Variants in CALCRL observed in about 807,000 individuals in gnomAD.
CALCRL encodes calcitonin gene-related peptide type 1 receptor.
A neutral mutation model predicts 60.4 loss-of-function variants in CALCRL; 27 were observed. The ratio of observed to expected loss-of-function variants is 0.45; its 90% CI spans 0.33 to 0.62. The LOEUF is 0.62. CALCRL is among the 20% of genes least tolerant of loss of function. The probability of loss-of-function intolerance (pLI) is 0.03; values close to 1 mark genes in which losing one functional copy is unlikely to be tolerated. For missense variants in CALCRL, 424 were observed against 540.7 expected (o/e 0.78, Z 2.14); for synonymous variants, 190 against 182.6 (o/e 1.04, Z -0.33).
chr2:187,428,018 G>T (rs1012310335), intron 1 of CALCRL, among the ~76,000 whole-genome samples: 1 of 152,160 alleles, frequency 6.6e-6, no homozygotes, highest in South Asian at 2.1e-4. Flanking sequence ...CAACACCAGG[G>T]CTGTTTCAGG....
intron 9 of CALCRL, among the ~76,000 whole-genome samples, chr2:187,362,572 A>G (rs900624701): frequency 2.9e-5 from 2 of 70,074 alleles, no homozygotes; most frequent in African/African-American, 8.7e-5. Context: ...AACACTTTAT[A>G]TAGACACACA....
intron 14 of CALCRL, among the ~76,000 whole-genome samples, chr2:187,347,995 TA>T (rs1016544213): frequency 1.3e-4 from 20 of 151,694 alleles, no homozygotes; most frequent in African/African-American, 4.1e-4. Flanking sequence ...AAGCTCAATT[TA>T]AAAAATATAT....
At chr2:187,380,125 C>T (rs983591754) in intron 7 of CALCRL, among the ~76,000 whole-genome samples, 1 of 152,134 alleles carries the variant, frequency 6.6e-6, no homozygotes, top group South Asian at 2.1e-4. Context: ...TACTTGAGCA[C>T]AGTTTCAGAG....
intron 1 of CALCRL, among the ~76,000 whole-genome samples, chr2:187,412,982 A>G (rs752592481): frequency 8.5e-5 from 13 of 152,216 alleles, no homozygotes; most frequent in Non-Finnish European, 1.5e-4. Flanking sequence ...GATCATAAAT[A>G]TGCTTTGTTC....
intron 1 of CALCRL, among the ~76,000 whole-genome samples, chr2:187,404,977 C>G (rs555516433): frequency 6.6e-6 from 1 of 151,938 alleles, no homozygotes; most frequent in Non-Finnish European, 1.5e-5. Flanking sequence ...AGTTTGGATA[C>G]TAGGGTTTGG....
intron 1 of CALCRL, among the ~76,000 whole-genome samples, chr2:187,397,284 A>G (rs1189928334): frequency 6.6e-6 from 1 of 151,582 alleles, no homozygotes; most frequent in Non-Finnish European, 1.5e-5. Context: ...TCTTCTGCAG[A>G]AATAATGTGG....
rs1432782875 is a variant in CALCRL, at chr2:187,343,308, A to G, written c.*2876T>C. ...CAGTGAAAATAAACTTTAACTCATA[A>G]CTTTAATATTTTCATACAATCAAAA... On this transcript the variant is annotated 3_prime_UTR_variant, in exon 15 of 15. Coordinates refer to ENST00000392370, the MANE Select transcript of CALCRL (RefSeq NM_005795.6). 1 of 151,872 alleles carries G rather than the reference A, an allele frequency of 6.6e-6. No individual in the cohort carries two copies. Among genetic ancestry groups the G allele is most frequent in the African/African-American group, 2.4e-5 (1 of 41,414 alleles). 9.4% of individuals were successfully genotyped at this position (151,872 alleles called of 1,614,324 possible). A position where few individuals can be genotyped will look rare whatever the true frequency, so the allele number is the denominator to read the frequency against.
intron 1 of CALCRL, among the ~76,000 whole-genome samples, chr2:187,445,909 A>T (rs1162768693): frequency 6.6e-6 from 1 of 151,486 alleles, no homozygotes; most frequent in Non-Finnish European, 1.5e-5. Context: ...ACCCAGTATT[A>T]TTTTAAACAA....
At chr2:187,381,648 G>T (rs545934456) in intron 5 of CALCRL, among the ~76,000 whole-genome samples, 82 of 151,994 alleles carry the variant, frequency 5.4e-4, no homozygotes, top group South Asian at 1.7e-3. Flanking sequence ...TAGGGAAGAG[G>T]TTTCACCATG....
intron 1 of CALCRL, among the ~76,000 whole-genome samples, chr2:187,401,161 G>T (rs571930937): frequency 5.4e-4 from 82 of 151,642 alleles, no homozygotes; most frequent in African/African-American, 1.8e-3. Flanking sequence ...AAGTGTACGG[G>T]TATAGCTTAG....
chr2:187,366,942 A>ACACACG (rs1687325636), intron 8 of CALCRL, among the ~76,000 whole-genome samples: 2 of 151,680 alleles, frequency 1.3e-5, no homozygotes, highest in South Asian at 4.2e-4. Context: ...ACACACACAC[A>ACACACG]CACACACACA....
At chr2:187,383,378 T>C (rs937735757) in intron 4 of CALCRL, 73 bp from the exon 5 acceptor site, 6 of 1,338,446 alleles carry the variant, frequency 4.5e-6, no homozygotes, top group Admixed American at 2.6e-5. Flanking sequence ...AAAGGCAGTC[T>C]GTCACAGTAG....
intron 1 of CALCRL, among the ~76,000 whole-genome samples, chr2:187,423,665 T>G (rs1451609428): frequency 6.6e-6 from 1 of 151,996 alleles, no homozygotes; most frequent in Non-Finnish European, 1.5e-5. Context: ...TGGAAACCTA[T>G]GTGTCAAGGC....
At chr2:187,393,050 T>C (rs1020693064) in intron 1 of CALCRL, among the ~76,000 whole-genome samples, 3 of 152,132 alleles carry the variant, frequency 2.0e-5, no homozygotes, top group African/African-American at 7.2e-5. Flanking sequence ...ATGTCCTCTT[T>C]AGGATGTCAT....
intron 1 of CALCRL, among the ~76,000 whole-genome samples, chr2:187,396,021 TTTGTTGTTG>T (rs529744154): frequency 0.035 from 2,237 of 63,838 alleles, 26 homozygotes; most frequent in Non-Finnish European, 0.065. Context: ...CCTGACACTG[TTTGTTGTTG>T]TTGTTGTTGT....
chr2:187,413,089 G>A (rs1421147729), intron 1 of CALCRL, among the ~76,000 whole-genome samples: 2 of 152,214 alleles, frequency 1.3e-5, no homozygotes, highest in Middle Eastern at 3.4e-3. Context: ...TTTCAGGGAA[G>A]GAATTATCAA....
At chr2:187,397,707 C>G (rs1242340663) in intron 1 of CALCRL, among the ~76,000 whole-genome samples, 1 of 151,578 alleles carries the variant, frequency 6.6e-6, no homozygotes, top group South Asian at 2.1e-4. Context: ...CCCTCCCACC[C>G]TTCTAAACCA....
intron 5 of CALCRL, among the ~76,000 whole-genome samples, chr2:187,382,595 T>C (rs1688026781): frequency 1.3e-5 from 2 of 152,208 alleles, no homozygotes. Context: ...TATTGCTTTA[T>C]CTGGCAACTC....
chr2:187,353,020 C>T (rs1003520872), intron 12 of CALCRL, among the ~76,000 whole-genome samples: 1 of 151,836 alleles, frequency 6.6e-6, no homozygotes, highest in African/African-American at 2.4e-5. Flanking sequence ...ACAACTTTCT[C>T]GAAGAGACAG....
Sources: gnomAD v4.1 joint callset for allele counts (sites outside exome capture counted in the v4.1 genomes callset) on GRCh38, gnomAD v4.1.1 for gene constraint, MANE v1.5 for transcripts, NCBI Gene and HGNC (gene_info 2026-07-23, HGNC 2026-07-21) for gene names.